The following TDRD3 variants were observed in gnomAD, a reference collection of about 807,000 sequenced individuals.
TDRD3 encodes tudor domain-containing protein 3.
In TDRD3, 45 loss-of-function variants were observed where a neutral mutation model predicts 86.7. The observed-to-expected ratio is 0.52, with a 90% CI of 0.41 to 0.67. The LOEUF (loss-of-function observed/expected upper bound fraction) is 0.67, where lower values mean the gene tolerates loss of function less well. TDRD3 is among the 30% of genes least tolerant of loss of function. TDRD3 has a pLI of 0.00. For missense variants in TDRD3, 814 were observed against 889.0 expected (o/e 0.92, Z 1.07); for synonymous variants, 298 against 301.7 (o/e 0.99, Z 0.13).
At chr13:60,451,625 A>G (rs1233378158) in intron 3 of TDRD3, among the ~76,000 whole-genome samples, 5 of 152,214 alleles carry the variant, frequency 3.3e-5, no homozygotes, top group Non-Finnish European at 7.4e-5. Flanking sequence ...AAGGAATATA[A>G]ACAGGAATGG....
chr13:60,430,329 A>G (rs907015861), intron 1 of TDRD3, among the ~76,000 whole-genome samples: 1 of 152,180 alleles, frequency 6.6e-6, no homozygotes, highest in Non-Finnish European at 1.5e-5. Flanking sequence ...GTAGGCAGCA[A>G]TGCTATGAGT....
chr13:60,502,738 A>G (rs776163223), intron 8 of TDRD3, among the ~76,000 whole-genome samples: 1 of 152,174 alleles, frequency 6.6e-6, no homozygotes, highest in East Asian at 1.9e-4. Context: ...AACCTTGTAC[A>G]GGATTATATA....
upstream of TDRD3, chr13:60,397,185 G>A (rs1035249858): frequency 2.4e-6 from 1 of 410,454 alleles, no homozygotes; most frequent in East Asian, 3.6e-5. Flanking sequence ...CAGAAAACGC[G>A]GCGAGCGGAA....
In TDRD3 at chr13:60,397,275, T is replaced by C; in HGVS notation, c.-90T>C. 2.9e-6 allele frequency: 2 copies of C among 693,046 alleles called. No homozygotes were observed. The highest frequency in any genetic ancestry group is 4.3e-6 in the Non-Finnish European group (2 of 470,500). 42.9% of individuals were successfully genotyped at this position (693,046 alleles called of 1,614,324 possible). A position where few individuals can be genotyped will look rare whatever the true frequency, so the allele number is the denominator to read the frequency against. On this transcript the variant is annotated 5_prime_UTR_variant, in exon 1 of 14. Coordinates refer to ENST00000377881, the MANE Select transcript of TDRD3 (RefSeq NM_001146070.2). ...GAGGAGTTTTTTCTTTTCTTTTCTT[T>C]TTTTTTTTTTAAGGGGGGGGGTCTC...
At chr13:60,499,477 C>G (rs941499676) in intron 8 of TDRD3, among the ~76,000 whole-genome samples, 1 of 152,232 alleles carries the variant, frequency 6.6e-6, no homozygotes, top group Non-Finnish European at 1.5e-5. Context: ...TGTCCTTCCT[C>G]AGGGGTATAT....
At chr13:60,479,112 G>A (rs1376276680) in intron 5 of TDRD3, among the ~76,000 whole-genome samples, 1 of 152,078 alleles carries the variant, frequency 6.6e-6, no homozygotes, top group African/African-American at 2.4e-5. Context: ...CAGCCAATTT[G>A]AGAACCTTCT....
upstream of TDRD3, chr13:60,396,927 C>T (rs554421980): frequency 1.9e-5 from 3 of 154,414 alleles, no homozygotes; most frequent in Admixed American, 6.5e-5. Flanking sequence ...CAGGCCTTAT[C>T]CTGCCCTCTC....
chr13:60,429,302 A>G (rs967708594), intron 1 of TDRD3, among the ~76,000 whole-genome samples: 2 of 152,188 alleles, frequency 1.3e-5, no homozygotes, highest in African/African-American at 2.4e-5. Context: ...GATTGCATAT[A>G]CTAGAAACAA....
At chr13:60,444,152 G>C (rs1033189184) in intron 2 of TDRD3, among the ~76,000 whole-genome samples, 2 of 151,878 alleles carry the variant, frequency 1.3e-5, no homozygotes, top group African/African-American at 4.8e-5. Flanking sequence ...TTAAGCAAAT[G>C]AAATTACTAT....
chr13:60,506,298 A>G (rs1220651726), intron 8 of TDRD3, among the ~76,000 whole-genome samples: 1 of 152,184 alleles, frequency 6.6e-6, no homozygotes, highest in Non-Finnish European at 1.5e-5. Flanking sequence ...CTAAGCTTCA[A>G]AAGCAAAGGA....
chr13:60,547,433 G>A, intron 12 of TDRD3: 1 of 985,226 alleles, frequency 1.0e-6, no homozygotes, highest in Non-Finnish European at 1.2e-6. Context: ...TGCACAGGAG[G>A]AGTCAGAAGA....
At chr13:60,432,009 T>C (rs1954965858) in intron 1 of TDRD3, among the ~76,000 whole-genome samples, 1 of 152,018 alleles carries the variant, frequency 6.6e-6, no homozygotes, top group Admixed American at 6.6e-5. Context: ...GATTGTGGTA[T>C]TCAATGTGGG....
chr13:60,510,214 A>C (rs537369895), intron 9 of TDRD3, among the ~76,000 whole-genome samples: 1 of 152,316 alleles, frequency 6.6e-6, no homozygotes, highest in African/African-American at 2.4e-5. Context: ...TGGTTCTATT[A>C]TTTCTAGAAC....
chr13:60,548,480 C>T (rs546101430), intron 12 of TDRD3, among the ~76,000 whole-genome samples: 58 of 152,192 alleles, frequency 3.8e-4, no homozygotes, highest in African/African-American at 1.3e-3. Flanking sequence ...TTACATGAGC[C>T]GCTTGCCATT....
intron 1 of TDRD3, among the ~76,000 whole-genome samples, chr13:60,423,726 G>A (rs893242857): frequency 6.6e-6 from 1 of 151,998 alleles, no homozygotes; most frequent in Non-Finnish European, 1.5e-5. Flanking sequence ...ACAATTAAGT[G>A]TATTTAATTG....
chr13:60,510,385 C>T (rs1051647653), intron 9 of TDRD3, among the ~76,000 whole-genome samples: 4 of 151,768 alleles, frequency 2.6e-5, no homozygotes, highest in African/African-American at 9.7e-5. Flanking sequence ...ATAATTTTTC[C>T]TTAAAAGTTA....
At chr13:60,427,264 C>T (rs1376843645) in intron 1 of TDRD3, among the ~76,000 whole-genome samples, 2 of 152,092 alleles carry the variant, frequency 1.3e-5, no homozygotes, top group Non-Finnish European at 2.9e-5. Context: ...GTTTTTTCTT[C>T]AGAATGTGTT....
chr13:60,510,511 C>A (rs1957033043), intron 9 of TDRD3, 119 bp from the exon 10 acceptor site: 1 of 1,106,666 alleles, frequency 9.0e-7, no homozygotes, highest in Non-Finnish European at 1.2e-6. Context: ...GTAGACTATA[C>A]AAAAAATATG....
At chr13:60,544,273 A>AT (rs2137864686) in intron 12 of TDRD3, among the ~76,000 whole-genome samples, 1 of 151,900 alleles carries the variant, frequency 6.6e-6, no homozygotes, top group Non-Finnish European at 1.5e-5. Context: ...CTTACTTTAC[A>AT]AAAATAAAAT....
Sources: gnomAD v4.1 joint callset for allele counts (sites outside exome capture counted in the v4.1 genomes callset) on GRCh38, gnomAD v4.1.1 for gene constraint, MANE v1.5 for transcripts, NCBI Gene and HGNC (gene_info 2026-07-23, HGNC 2026-07-21) for gene names.